Variants in GTF2I observed in about 807,000 individuals in gnomAD.
The protein encoded by GTF2I is general transcription factor II-I.
GTF2I carries 12 observed loss-of-function variants against 67.6 expected under a neutral mutation model. That is an observed-to-expected ratio of 0.18 (90% CI 0.11 to 0.29). GTF2I has a LOEUF of 0.29. Among genes scored for constraint, GTF2I ranks in the 10% least tolerant of loss-of-function variants. GTF2I has a pLI of 1.00. For synonymous variants in GTF2I, 149 were observed against 197.0 expected (o/e 0.76, Z 2.04); for missense variants, 271 against 580.1 (o/e 0.47, Z 5.47).
At chr7:74,671,248 G>A (rs587636507) in intron 1 of GTF2I, among the ~76,000 whole-genome samples, 1 of 151,646 alleles carries the variant, frequency 6.6e-6, no homozygotes. Context: ...CACCACACCC[G>A]GCTAATTTTT....
intron 1 of GTF2I, among the ~76,000 whole-genome samples, chr7:74,677,521 G>A (rs1443319278): frequency 6.6e-6 from 1 of 151,534 alleles, no homozygotes; most frequent in Non-Finnish European, 1.5e-5. Context: ...TGAATTGGTT[G>A]GCCAGGTGTG....
chr7:74,679,333 C>T (rs1787006972), intron 1 of GTF2I, among the ~76,000 whole-genome samples: 1 of 152,194 alleles, frequency 6.6e-6, no homozygotes, highest in Non-Finnish European at 1.5e-5. Context: ...GACTTGACCT[C>T]CCAAAATGCT....
intron 8 of GTF2I, among the ~76,000 whole-genome samples, chr7:74,706,874 G>A (rs150526165): frequency 5.9e-5 from 9 of 152,138 alleles, no homozygotes; most frequent in African/African-American, 1.9e-4. Flanking sequence ...TTTTTGAGAT[G>A]GAGTCTTGCT....
intron 1 of GTF2I, among the ~76,000 whole-genome samples, chr7:74,677,799 A>T (rs1358447952): frequency 6.7e-6 from 1 of 149,936 alleles, no homozygotes; most frequent in African/African-American, 2.5e-5. Flanking sequence ...AAAAAAAAGT[A>T]AATTTGGGTT....
intron 1 of GTF2I, among the ~76,000 whole-genome samples, chr7:74,671,793 GCA>G (rs1554390770): frequency 6.6e-6 from 1 of 151,920 alleles, no homozygotes; most frequent in Non-Finnish European, 1.5e-5. Context: ...ACCAGCCTGG[GCA>G]ACATAGTGAG....
intron 1 of GTF2I, among the ~76,000 whole-genome samples, chr7:74,670,717 A>C (rs1350183458): frequency 2.0e-5 from 3 of 151,664 alleles, no homozygotes; most frequent in South Asian, 2.1e-4. Context: ...AAACAAAAAA[A>C]AAAAACACCT....
At chr7:74,732,046 T>G (rs1313744119) in intron 14 of GTF2I, among the ~76,000 whole-genome samples, 1 of 148,420 alleles carries the variant, frequency 6.7e-6, no homozygotes, top group Non-Finnish European at 1.5e-5. Context: ...AGTAAAGTGC[T>G]TCACGTAATA....
chr7:74,693,476 T>C (rs782699995), intron 3 of GTF2I, among the ~76,000 whole-genome samples: 6 of 151,906 alleles, frequency 3.9e-5, no homozygotes, highest in Non-Finnish European at 8.8e-5. Context: ...TAAATATGTG[T>C]TCTGACTGCT....
chr7:74,725,464 A>G (rs1282731548), intron 12 of GTF2I, among the ~76,000 whole-genome samples: 2 of 152,022 alleles, frequency 1.3e-5, no homozygotes, highest in Non-Finnish European at 2.9e-5. Context: ...AGGCAGGAGG[A>G]TCACTTGAGG....
At chr7:74,695,452 T>G (rs1788794234) in intron 3 of GTF2I, among the ~76,000 whole-genome samples, 2 of 152,210 alleles carry the variant, frequency 1.3e-5, no homozygotes, top group Admixed American at 1.3e-4. Flanking sequence ...TATACTTGTA[T>G]TATTGTGGTG....
At chr7:74,691,208 C>CTT (rs368243097) in intron 3 of GTF2I, 97 bp downstream of exon 3, 1,243 of 657,064 alleles carry the variant, frequency 1.9e-3, no homozygotes, top group Non-Finnish European at 2.3e-3. Flanking sequence ...TTCTTTCTTT[C>CTT]TTTTTTTTTT....
intron 1 of GTF2I, among the ~76,000 whole-genome samples, chr7:74,668,201 C>G (rs1234484205): frequency 2.9e-5 from 3 of 101,804 alleles, no homozygotes; most frequent in Non-Finnish European, 3.8e-5. Flanking sequence ...TTTTTTGAGA[C>G]AGGGTCTTGC....
chr7:74,723,180 G>A (rs1253383169), intron 12 of GTF2I, among the ~76,000 whole-genome samples: 1 of 144,362 alleles, frequency 6.9e-6, no homozygotes, highest in African/African-American at 2.5e-5. Flanking sequence ...CTGGAGTGCA[G>A]TGGCGCAATC....
At chr7:74,743,316 C>CT in intron 19 of GTF2I, 133 bp from the exon 20 acceptor site, 2 of 234,904 alleles carry the variant, frequency 8.5e-6, no homozygotes, top group South Asian at 4.7e-5. Context: ...GAGCAAGACT[C>CT]TGTCTCAAAA....
intron 1 of GTF2I, among the ~76,000 whole-genome samples, chr7:74,662,336 G>T (rs941163388): frequency 6.7e-6 from 1 of 150,024 alleles, no homozygotes; most frequent in Non-Finnish European, 1.5e-5. Context: ...TCAGCCTCCG[G>T]AGTAGCTGGG....
intron 1 of GTF2I, among the ~76,000 whole-genome samples, chr7:74,680,667 A>G (rs888889098): frequency 1.1e-4 from 17 of 152,256 alleles, no homozygotes; most frequent in Admixed American, 1.0e-3. Context: ...GCTTGAACAC[A>G]GGAGGTGGAG....
At chr7:74,730,771 A>G (rs1179178104) in intron 14 of GTF2I, among the ~76,000 whole-genome samples, 2 of 118,280 alleles carry the variant, frequency 1.7e-5, no homozygotes, top group Non-Finnish European at 3.2e-5. Context: ...CAGTAGTACA[A>G]TCTCGGCTCA....
rs2131188776 is a variant in GTF2I at position 74,664,613 on chromosome 7, TA to T, written c.-6+6546del. Among the ~76,000 whole-genome samples the T allele has an allele frequency of 1.3e-5, 2 of 152,104 alleles. 1 individual carries two copies. Among genetic ancestry groups the T allele is most frequent in the East Asian group, 3.9e-4 (2 of 5,150 alleles). ...CATGCCCGGCTAATTTTTGTATTTTTAGTAGATACAGGTTTCACCATGTTGG... is the reference window on the plus strand; with the variant it reads ...CATGCCCGGCTAATTTTTGTATTTTTGTAGATACAGGTTTCACCATGTTGG... On this transcript the variant is annotated intron_variant, in intron 1 of 34. Coordinates refer to ENST00000573035, the MANE Select transcript of GTF2I (RefSeq NM_032999.4).
intron 9 of GTF2I, among the ~76,000 whole-genome samples, chr7:74,714,182 A>G (rs893306592): frequency 9.9e-5 from 15 of 152,174 alleles, no homozygotes; most frequent in African/African-American, 3.6e-4. Flanking sequence ...TTAATCATTA[A>G]AAAGTTTGAT....
Sources: gnomAD v4.1 joint callset for allele counts (sites outside exome capture counted in the v4.1 genomes callset) on GRCh38, gnomAD v4.1.1 for gene constraint, MANE v1.5 for transcripts, NCBI Gene and HGNC (gene_info 2026-07-23, HGNC 2026-07-21) for gene names.